Variants in CEMIP observed in about 807,000 individuals in gnomAD.
The protein encoded by CEMIP is cell migration inducing hyaluronidase 1.
In CEMIP, 105 loss-of-function variants were observed where a neutral mutation model predicts 156.9. The observed-to-expected ratio is 0.67, with a 90% confidence interval of 0.57 to 0.79. The LOEUF is 0.79. Ranked by LOEUF, CEMIP falls within the 30% of genes least tolerant of loss-of-function variation. The probability of loss-of-function intolerance (pLI) is 0.00; values close to 1 mark genes in which losing one functional copy is unlikely to be tolerated. For missense variants in CEMIP, 1,457 were observed against 1,769.4 expected (o/e 0.82, Z 3.17); for synonymous variants, 676 against 668.4 (o/e 1.01, Z -0.17).
chr15:80,891,652 T>C (rs983534194), intron 10 of CEMIP, among the ~76,000 whole-genome samples: 6 of 152,196 alleles, frequency 3.9e-5, no homozygotes, highest in Non-Finnish European at 7.3e-5. Flanking sequence ...CCAAGGTCTA[T>C]TGAGATGGTC....
chr15:80,811,028 A>G (rs1596105329), intron 1 of CEMIP, among the ~76,000 whole-genome samples: 1 of 152,194 alleles, frequency 6.6e-6, no homozygotes, highest in Admixed American at 6.5e-5. Flanking sequence ...TTAATAAACT[A>G]CTTTGAACTC....
Position 80,906,831 on chromosome 15 carries a change from A to C in CEMIP, c.1580A>C (p.His527Pro). 1.2e-6 allele frequency: 2 copies of C among 1,612,830 alleles called. No homozygotes were observed. ...NFFDFDTFGG[H>P]IKFALGFKAA... The stretch of plus-strand genomic sequence containing the variant: ...TTTGACTTCGATACCTTTGGGGGCC[A>C]CATCAAGGTATGTGTCTCTCTGGCA... Residue 527 changes from histidine to proline, a missense_variant, in exon 13 of 30, where the codon CAC (histidine) becomes CCC (proline). Around this residue, in one of 5 missense-constraint regions of CEMIP, gnomAD observed 280 missense variants for 300.3 expected, o/e 0.93. Coordinates refer to ENST00000394685, the MANE Select transcript of CEMIP (RefSeq NM_001293298.2). The surrounding 1 kb of genome is among the most constrained non-coding windows in gnomAD (Gnocchi z 4.3).
chr15:80,807,274 A>G (rs1036367409), intron 1 of CEMIP, among the ~76,000 whole-genome samples: 1 of 151,250 alleles, frequency 6.6e-6, no homozygotes, highest in Non-Finnish European at 1.5e-5. Flanking sequence ...TCTGTCACCA[A>G]GGCTAGAGTG....
At chr15:80,902,798 G>A (rs759449376) in intron 12 of CEMIP, among the ~76,000 whole-genome samples, 6 of 152,178 alleles carry the variant, frequency 3.9e-5, no homozygotes, top group African/African-American at 7.2e-5. Context: ...TAGGTGTGAA[G>A]CCAGTGGTGG....
intron 3 of CEMIP, among the ~76,000 whole-genome samples, chr15:80,877,593 C>G (rs141574058): frequency 2.6e-5 from 4 of 152,216 alleles, no homozygotes; most frequent in Admixed American, 2.6e-4. Flanking sequence ...ACCTGTTTCC[C>G]TCTGGATTTT....
rs191005775 is a variant in CEMIP, at chr15:80,880,592, C to T, written c.381-308C>T. ...CTGAAACTACAGGCATGTTCCACCACGCCTGGCTGATTCTTGTATCTTTAG... is the reference window on the plus strand; with the variant it reads ...CTGAAACTACAGGCATGTTCCACCATGCCTGGCTGATTCTTGTATCTTTAG... On this transcript the variant is annotated intron_variant, in intron 5 of 29. Coordinates refer to ENST00000394685, the MANE Select transcript of CEMIP (RefSeq NM_001293298.2). Among the ~76,000 whole-genome samples the T allele has an allele frequency of 4.2e-4, 64 of 152,286 alleles. No individual in the cohort carries two copies. The East Asian group carries it at 8.5e-3, about 20-fold the overall frequency.
rs144037462 is a variant in CEMIP at position 80,939,418 on chromosome 15, T to C, written c.3407+1439T>C. Among the ~76,000 whole-genome samples the C allele has an allele frequency of 3.8e-3, 576 of 151,878 alleles. 8 individuals carry two copies. Among genetic ancestry groups the C allele is most frequent in the African/African-American group, 0.013 (533 of 41,410 alleles). On this transcript the variant is annotated intron_variant, in intron 25 of 29. Transcript: ENST00000394685. ...CATATGAATACCAGAGGAGGAGGAG[T>C]GAGATATGCCCCACATACCACTAGG...
intron 1 of CEMIP, among the ~76,000 whole-genome samples, chr15:80,849,186 T>C (rs1375260441): frequency 1.3e-5 from 2 of 151,922 alleles, no homozygotes; most frequent in Non-Finnish European, 2.9e-5. Context: ...GGTTTCACTA[T>C]GTTGGCCAGG....
At chr15:80,933,790 T>C (rs1373172391) in intron 23 of CEMIP, among the ~76,000 whole-genome samples, 3 of 152,216 alleles carry the variant, frequency 2.0e-5, no homozygotes, top group Admixed American at 1.3e-4. Context: ...TGTAAAATAG[T>C]TGAACTTTCC....
At chr15:80,878,945 A>C in intron 4 of CEMIP, 78 bp downstream of exon 4, 1 of 1,551,856 alleles carries the variant, frequency 6.4e-7, no homozygotes, top group Non-Finnish European at 8.9e-7. Flanking sequence ...GGTTGCCATG[A>C]GCTCAGATGG....
At position 80,941,779 on chromosome 15, in the gene CEMIP, C is replaced by T. The variant is rs542035336; in HGVS notation, c.3408-70C>T. ...TATGACCAGCTCAGAGTAAATGTCTCGGTGGGTGGGAGGAGAAGAGGGAGG... is the reference window on the plus strand; with the variant it reads ...TATGACCAGCTCAGAGTAAATGTCTTGGTGGGTGGGAGGAGAAGAGGGAGG... On this transcript the variant is annotated intron_variant, in intron 25 of 29. Transcript: ENST00000394685. The T allele has an allele frequency of 1.1e-3, 1,484 of 1,405,898 alleles. 19 individuals are homozygous for T. In the South Asian group the frequency reaches 0.016, roughly 16 times the overall value. The allele number at this position is 1,405,898 out of a possible 1,614,324, so 87.1% of individuals were successfully genotyped here.
Position 80,941,892 on chromosome 15 carries a change from T to C in CEMIP, c.3451T>C (p.Phe1151Leu). Residue 1151 changes from phenylalanine to leucine, a missense_variant, in exon 26 of 30, where the codon TTT becomes CTT. Physicochemically the swap from Phe to Leu is conservative, Grantham distance 22. Transcript: ENST00000394685. ...GAAAGCTCAGAACGAGAGAGAGAAGTTTGCTTTCTGCTCCATGAAAGGCTG... is the reference window on the plus strand; with the variant it reads ...GAAAGCTCAGAACGAGAGAGAGAAGCTTGCTTTCTGCTCCATGAAAGGCTG... ...KLKAQNEREKFAFCSMKGCER... is the reference protein window; with the variant it reads ...KLKAQNEREKLAFCSMKGCER... 1 of 1,613,844 alleles carries C rather than the reference T, an allele frequency of 6.2e-7. No homozygotes were observed. Among genetic ancestry groups the C allele is most frequent in the Non-Finnish European group, 8.5e-7 (1 of 1,179,970 alleles).
intron 1 of CEMIP, among the ~76,000 whole-genome samples, chr15:80,810,402 C>G (rs1487359091): frequency 2.0e-5 from 3 of 152,212 alleles, no homozygotes; most frequent in Non-Finnish European, 4.4e-5. Flanking sequence ...GAGTCTCACT[C>G]TGTCACCCAG....
chr15:80,894,904 G>A, intron 10 of CEMIP, 86 bp from the exon 11 acceptor site: 1 of 1,523,156 alleles, frequency 6.6e-7, no homozygotes, highest in Non-Finnish European at 9.1e-7. Context: ...TTAGACTTCT[G>A]AGTATATGTT....
At chr15:80,786,457 C>G (rs1254597534) in intron 1 of CEMIP, among the ~76,000 whole-genome samples, 1 of 151,930 alleles carries the variant, frequency 6.6e-6, no homozygotes, top group Non-Finnish European at 1.5e-5. Context: ...AACTCCTGAG[C>G]CCAAGATATC....
intron 1 of CEMIP, among the ~76,000 whole-genome samples, chr15:80,834,022 T>C (rs1897215344): frequency 6.6e-6 from 1 of 152,194 alleles, no homozygotes; most frequent in African/African-American, 2.4e-5. Context: ...TTTGGCGGGC[T>C]ATTCTGTGCA....
At chr15:80,874,517 C>A (rs771062046) in intron 3 of CEMIP, among the ~76,000 whole-genome samples, 1 of 152,112 alleles carries the variant, frequency 6.6e-6, no homozygotes, top group Non-Finnish European at 1.5e-5. Context: ...AAATATCTTT[C>A]CAACTCTGTC....
chr15:80,913,195 C>G (rs1019138232), intron 14 of CEMIP, among the ~76,000 whole-genome samples: 1 of 152,128 alleles, frequency 6.6e-6, no homozygotes, highest in Non-Finnish European at 1.5e-5. Context: ...CTAATTCCCC[C>G]GTGGGCAGCC....
intron 21 of CEMIP, among the ~76,000 whole-genome samples, chr15:80,930,461 G>GATT (rs1424709901): frequency 3.3e-5 from 5 of 152,184 alleles, no homozygotes; most frequent in African/African-American, 1.2e-4. Flanking sequence ...AGGAACCTAA[G>GATT]AGCCTGCAGT....
Sources: allele counts gnomAD v4.1 joint callset (sites outside exome capture counted in the v4.1 genomes callset), GRCh38; gene constraint gnomAD v4.1.1; regional missense constraint gnomAD v4.1.1; non-coding constraint Gnocchi (gnomAD v3.1); transcripts MANE v1.5; gene names NCBI Gene and HGNC (gene_info 2026-07-23, HGNC 2026-07-21).